Variants in ASB15 observed in about 807,000 individuals in gnomAD.
The protein encoded by ASB15 is ankyrin repeat and SOCS box protein 15.
Under a neutral mutation model 58.0 loss-of-function variants are expected in ASB15, and 54 were observed. The observed-to-expected ratio is 0.93, with a 90% CI of 0.75 to 1.17. ASB15 has a LOEUF of 1.17. Ranked by LOEUF, ASB15 falls within the 50% of genes most tolerant of loss-of-function variation. ASB15 has a pLI of 0.00. For missense variants in ASB15, 680 were observed against 707.4 expected (o/e 0.96, Z 0.44); for synonymous variants, 249 against 262.4 (o/e 0.95, Z 0.50).
At chr7:123,581,972 A>G (rs1482269788) in intron 1 of ASB15, among the ~76,000 whole-genome samples, 1 of 152,068 alleles carries the variant, frequency 6.6e-6, no homozygotes, top group African/African-American at 2.4e-5. Flanking sequence ...TGCACCAGCC[A>G]TGAATTCTGG....
chr7:123,624,690 T>C lies in ASB15; in HGVS notation c.573T>C (p.Asp191=), dbSNP rs368755660. 2.5e-5 allele frequency: 40 copies of C among 1,614,154 alleles called. No individual in the cohort carries two copies. Among genetic ancestry groups the C allele is most frequent in the East Asian group, 1.3e-4 (6 of 44,878 alleles). Residue 191 remains aspartate, a synonymous_variant, in exon 8 of 12, where the codon GAT becomes GAC. Coordinates refer to ENST00000451215, the MANE Select transcript of ASB15 (RefSeq NM_001290258.2). ...AAGCAGCCAAGCAAGGCCGAAAAGA[T>C]ATCGTAGCTCTGCTGCTGAAACATG... The part of the protein sequence containing the change: ...MHEAAKQGRK[D]IVALLLKHGG...
At chr7:123,570,973 A>T (rs1798894353) in intron 1 of ASB15, among the ~76,000 whole-genome samples, 1 of 152,198 alleles carries the variant, frequency 6.6e-6, no homozygotes, top group Admixed American at 6.5e-5. Context: ...CAATATTTCC[A>T]TCTGTAAAAC....
At chr7:123,621,247 AATTAAT>A (rs1801302054) in intron 7 of ASB15, 1 of 152,242 alleles carries the variant, frequency 6.6e-6, no homozygotes, top group Admixed American at 6.5e-5. Context: ...GTTGAAATAG[AATTAAT>A]ATTAGGAAGT....
intron 2 of ASB15, among the ~76,000 whole-genome samples, chr7:123,607,091 A>G (rs1456612287): frequency 6.6e-6 from 1 of 152,234 alleles, no homozygotes; most frequent in East Asian, 1.9e-4. Context: ...TGGATAGTTT[A>G]CTTAGCTTGA....
At chr7:123,583,755 T>C (rs1799300624) in intron 1 of ASB15, among the ~76,000 whole-genome samples, 1 of 151,848 alleles carries the variant, frequency 6.6e-6, no homozygotes, top group African/African-American at 2.4e-5. Context: ...CTTTTCCTCA[T>C]AACATCTTCA....
chr7:123,605,740 C>T (rs564486301), intron 2 of ASB15, among the ~76,000 whole-genome samples: 9 of 152,074 alleles, frequency 5.9e-5, no homozygotes, highest in East Asian at 1.9e-4. Flanking sequence ...AAATTAACAC[C>T]GGAACAGAAA....
intron 1 of ASB15, among the ~76,000 whole-genome samples, chr7:123,594,803 C>T (rs539365186): frequency 6.6e-6 from 1 of 152,290 alleles, no homozygotes; most frequent in South Asian, 2.1e-4. Flanking sequence ...CTGGGAGAAC[C>T]ACTGCTCTCT....
In ASB15 at chr7:123,629,206, T is replaced by G; in HGVS notation, c.1212T>G (p.Ala404=). 4 of 1,613,850 alleles carry G rather than the reference T, an allele frequency of 2.5e-6. No homozygotes were observed. Among genetic ancestry groups the G allele is most frequent in the Non-Finnish European group, 3.4e-6 (4 of 1,179,694 alleles). ...TCAGGCTGCTTCTCTCCCATGGAGC[T>G]AATGTCAATTGTTATTTTATGCATG... is the stretch of plus-strand genomic sequence containing the variant. The part of the protein sequence containing the change: ...EIVRLLLSHG[A]NVNCYFMHVN... The change falls in exon 10 of 12, where the codon GCT becomes GCG. Residue 404 remains alanine (A), a synonymous_variant. Transcript: ENST00000451215.
Position 123,614,485 on chromosome 7 carries a change from T to C in ASB15, c.-2-16T>C. ...TCTTGATAATAAGAACTTGTCTCGT[T>C]CAAAATTATATGCAGGAATGGATAC... On this transcript the variant is annotated splice_polypyrimidine_tract_variant and intron_variant, in intron 3 of 11. Transcript: ENST00000451215. The C allele has an allele frequency of 6.7e-7, 1 of 1,503,500 alleles. No homozygotes were observed. Among genetic ancestry groups the C allele is most frequent in the Non-Finnish European group, 9.2e-7 (1 of 1,083,582 alleles). The allele number at this position is 1,503,500 out of a possible 1,614,324, so 93.1% of individuals were successfully genotyped here.
At chr7:123,574,380 AAC>A (rs1799004365) in intron 1 of ASB15, among the ~76,000 whole-genome samples, 1 of 152,094 alleles carries the variant, frequency 6.6e-6, no homozygotes, top group South Asian at 2.1e-4. Context: ...GACTTGTTAA[AAC>A]ACAGATTGCT....
intron 1 of ASB15, among the ~76,000 whole-genome samples, chr7:123,602,194 A>T (rs978391436): frequency 6.6e-6 from 1 of 152,142 alleles, no homozygotes; most frequent in Admixed American, 6.6e-5. Context: ...CTTATAGAAC[A>T]TGTCAATATA....
At chr7:123,631,569 G>A (rs767478317) in intron 11 of ASB15, among the ~76,000 whole-genome samples, 1 of 151,972 alleles carries the variant, frequency 6.6e-6, no homozygotes, top group Non-Finnish European at 1.5e-5. Flanking sequence ...ACTTAAGCCC[G>A]CATTGAGAGT....
At chr7:123,576,365 T>C (rs181185875) in intron 1 of ASB15, among the ~76,000 whole-genome samples, 1 of 152,206 alleles carries the variant, frequency 6.6e-6, no homozygotes, top group Admixed American at 6.5e-5. Context: ...TAATTAATGG[T>C]AAAATATATG....
chr7:123,576,726 C>A (rs1028750374), intron 1 of ASB15, among the ~76,000 whole-genome samples: 7 of 152,146 alleles, frequency 4.6e-5, no homozygotes, highest in Non-Finnish European at 7.3e-5. Flanking sequence ...TTTTACTACA[C>A]ACTTCACTGT....
chr7:123,583,504 A>T (rs1276435840), intron 1 of ASB15, among the ~76,000 whole-genome samples: 1 of 151,990 alleles, frequency 6.6e-6, no homozygotes, highest in Non-Finnish European at 1.5e-5. Flanking sequence ...CAATAAAATG[A>T]GTTTTAAATT....
chr7:123,621,063 C>T (rs1455417184), intron 7 of ASB15, among the ~76,000 whole-genome samples: 1 of 152,092 alleles, frequency 6.6e-6, no homozygotes, highest in Non-Finnish European at 1.5e-5. Context: ...ACAACTAAGC[C>T]GTGATTATCA....
intron 1 of ASB15, among the ~76,000 whole-genome samples, chr7:123,573,655 T>G (rs892388348): frequency 6.6e-6 from 1 of 152,020 alleles, no homozygotes; most frequent in African/African-American, 2.4e-5. Context: ...GAGGAGGGAG[T>G]CTGATTCCAG....
chr7:123,607,396 G>C (rs77119663), intron 2 of ASB15, among the ~76,000 whole-genome samples: 4 of 151,962 alleles, frequency 2.6e-5, no homozygotes, highest in East Asian at 3.8e-4. Flanking sequence ...CATTTATGTT[G>C]TTTCTAATGT....
Position 123,575,353 on chromosome 7 carries a change from G to A in ASB15, c.-443+8265G>A, listed in dbSNP as rs148803369. On this transcript the variant is annotated intron_variant, in intron 1 of 13. Coordinates refer to the ASB15 transcript ENST00000451558. Reference sequence around the variant, plus strand: ...CCTTTCTTAGTGCTTGCTTTCATATGTTAAATATGTTCATACCTCTATTAT... The same window carrying A: ...CCTTTCTTAGTGCTTGCTTTCATATATTAAATATGTTCATACCTCTATTAT... Among the ~76,000 whole-genome samples, 3 of 151,956 alleles carry A rather than the reference G, an allele frequency of 2.0e-5. No individual in the cohort carries two copies. The East Asian group carries it at 5.8e-4, about 29-fold the overall frequency.
Sources: allele counts gnomAD v4.1 joint callset (sites outside exome capture counted in the v4.1 genomes callset), GRCh38; gene constraint gnomAD v4.1.1; transcripts MANE v1.5; gene names NCBI Gene and HGNC (gene_info 2026-07-23, HGNC 2026-07-21).